The following QRSL1 variants were observed in gnomAD, a reference collection of about 807,000 sequenced individuals.
The protein encoded by QRSL1 is glutaminyl-tRNA amidotransferase subunit QRSL1.
A neutral mutation model predicts 61.6 loss-of-function variants in QRSL1; 54 were observed. The observed-to-expected ratio is 0.88, with a 90% confidence interval of 0.70 to 1.10. QRSL1 has a LOEUF of 1.10. QRSL1 is among the 50% of genes least tolerant of loss of function. QRSL1 has a pLI of 0.00. For synonymous variants in QRSL1, 228 were observed against 225.7 expected (o/e 1.01, Z -0.09); for missense variants, 505 against 622.6 (o/e 0.81, Z 2.01).
intron 1 of QRSL1, among the ~76,000 whole-genome samples, chr6:106,638,598 C>T (rs757563560): frequency 3.9e-5 from 6 of 152,234 alleles, no homozygotes; most frequent in Non-Finnish European, 7.3e-5. Context: ...ACCACTGTGC[C>T]TGGCCAAGGG....
Position 106,652,492 on chromosome 6 carries a change from G to A in QRSL1, c.759G>A (p.Arg253=), listed in dbSNP as rs764858668. The part of the protein sequence containing the change: ...VLGALAGPDP[R]DSTTVHEPIN... ...GTGCACTGGCCGGACCTGACCCCAG[G>A]GACTCTACCACAGTACATGAACCTA... The change falls in exon 7 of 11, where the codon AGG becomes AGA. Residue 253 remains arginine, a synonymous_variant. Coordinates refer to ENST00000369046, the MANE Select transcript of QRSL1 (RefSeq NM_018292.5). The A allele has an allele frequency of 6.2e-7, 1 of 1,614,118 alleles. No individual in the cohort carries two copies. The highest frequency in any genetic ancestry group is 1.7e-5 in the Admixed American group (1 of 60,014).
chr6:106,643,354 C>G (rs1228500843), intron 4 of QRSL1, among the ~76,000 whole-genome samples: 1 of 152,152 alleles, frequency 6.6e-6, no homozygotes, highest in African/African-American at 2.4e-5. Flanking sequence ...TTTTCAAATT[C>G]TGTGCCCATT....
At position 106,644,999 on chromosome 6, in the gene QRSL1, T is replaced by C. The variant is rs569610587; in HGVS notation, c.380+1909T>C. ...CCAGCACTAATAATAAAAAAGATTA[T>C]CCTTTTCTTGTTGAATGATCTTAGG... On this transcript the variant is annotated intron_variant, in intron 4 of 10. Coordinates refer to ENST00000369046, the MANE Select transcript of QRSL1 (RefSeq NM_018292.5). Among the ~76,000 whole-genome samples the C allele has an allele frequency of 3.6e-3, 541 of 152,258 alleles. 5 individuals carry two copies. The highest frequency in any genetic ancestry group is 0.013 in the African/African-American group (520 of 41,566).
chr6:106,639,119 GTTTTTT>G (rs1177849683), intron 1 of QRSL1, among the ~76,000 whole-genome samples: 5 of 122,792 alleles, frequency 4.1e-5, no homozygotes, highest in Non-Finnish European at 8.2e-5. Flanking sequence ...GTGTTTTGTT[GTTTTTT>G]TTTTTTTTTT....
chr6:106,631,535 A>C (rs1227765271), intron 1 of QRSL1, among the ~76,000 whole-genome samples: 1 of 152,206 alleles, frequency 6.6e-6, no homozygotes, highest in Non-Finnish European at 1.5e-5. Flanking sequence ...TCAGTCACAA[A>C]GGTGGCATCA....
intron 1 of QRSL1, among the ~76,000 whole-genome samples, chr6:106,632,068 C>G (rs992290776): frequency 2.0e-5 from 3 of 152,190 alleles, no homozygotes; most frequent in Non-Finnish European, 4.4e-5. Context: ...GGAAGTTTGT[C>G]TTTCTGTGCC....
intron 10 of QRSL1, 137 bp from the exon 11 acceptor site, chr6:106,665,645 G>T: frequency 1.4e-6 from 1 of 729,794 alleles, no homozygotes; most frequent in Non-Finnish European, 2.4e-6. Context: ...TAGTACAAAA[G>T]CATTATATAG....
At chr6:106,642,518 C>G (rs9400039) in intron 3 of QRSL1, 365,993 of 693,046 alleles carry the variant, frequency 0.53, 99,795 homozygotes, top group Non-Finnish European at 0.58. Context: ...AGGCCTTTTA[C>G]AAAACAGGGA....
intron 9 of QRSL1, among the ~76,000 whole-genome samples, chr6:106,657,455 C>T (rs1777289575): frequency 6.6e-6 from 1 of 152,084 alleles, no homozygotes; most frequent in African/African-American, 2.4e-5. Flanking sequence ...TTGTTTATCT[C>T]AGGGCACAAG....
intron 3 of QRSL1, chr6:106,642,597 A>C (rs955793413): frequency 1.5e-5 from 11 of 753,994 alleles, no homozygotes; most frequent in Admixed American, 3.4e-5. Flanking sequence ...GGTATTGTTC[A>C]AAAAGGAATG....
chr6:106,646,531 C>T (rs1486207087), intron 4 of QRSL1, among the ~76,000 whole-genome samples: 1 of 152,060 alleles, frequency 6.6e-6, no homozygotes, highest in South Asian at 2.1e-4. Flanking sequence ...GGCCTGGTGG[C>T]TCATGCCTGT....
At chr6:106,646,104 T>C (rs2114706790) in intron 4 of QRSL1, among the ~76,000 whole-genome samples, 1 of 152,348 alleles carries the variant, frequency 6.6e-6, no homozygotes, top group East Asian at 1.9e-4. Context: ...TGCTTGGTCA[T>C]TGTTCTCTGT....
Position 106,642,997 on chromosome 6 carries a change from A to T in QRSL1, c.287A>T (p.Tyr96Phe). Residue 96 changes from tyrosine (Y) to phenylalanine (F), a missense_variant, in exon 4 of 11, where the codon TAT becomes TTT. By Grantham distance (22) the Tyr-to-Phe change is conservative (BLOSUM62 3). Transcript: ENST00000369046. ...ATAGTAACTAAATTTTTTTCAGGTT[A>T]TATACCACCTTATAATGCTACAGTA... ...TTCASNMLKG[Y>F]IPPYNATVVQ... The T allele has an allele frequency of 6.2e-7, 1 of 1,601,422 alleles. No individual in the cohort carries two copies. Among genetic ancestry groups the T allele is most frequent in the South Asian group, 1.1e-5 (1 of 88,812 alleles).
chr6:106,656,659 A>T (rs1415894988), intron 9 of QRSL1, among the ~76,000 whole-genome samples: 3 of 152,162 alleles, frequency 2.0e-5, no homozygotes, highest in African/African-American at 7.2e-5. Flanking sequence ...GATAGTTAGA[A>T]TTACTTTTTA....
intron 1 of QRSL1, among the ~76,000 whole-genome samples, chr6:106,639,479 C>T (rs1356707561): frequency 6.6e-6 from 1 of 152,156 alleles, no homozygotes; most frequent in Non-Finnish European, 1.5e-5. Context: ...GCAACAGTGC[C>T]TGGCTCTTGG....
intron 4 of QRSL1, among the ~76,000 whole-genome samples, chr6:106,645,313 G>A (rs1012724811): frequency 3.3e-5 from 5 of 152,084 alleles, no homozygotes; most frequent in Non-Finnish European, 7.4e-5. Context: ...GGAAAGAATC[G>A]GCATCATAAT....
At chr6:106,654,972 GA>G in intron 8 of QRSL1, 50 bp downstream of exon 8, 2 of 1,468,416 alleles carry the variant, frequency 1.4e-6, no homozygotes, top group African/African-American at 2.9e-5. Flanking sequence ...GCAAACATTT[GA>G]AAAGTTCACT....
At chr6:106,662,231 T>G (rs1264437393) in intron 9 of QRSL1, among the ~76,000 whole-genome samples, 1 of 152,208 alleles carries the variant, frequency 6.6e-6, no homozygotes, top group Non-Finnish European at 1.5e-5. Context: ...GCTGTCTATC[T>G]TAGTAACCTT....
intron 10 of QRSL1, among the ~76,000 whole-genome samples, chr6:106,664,453 G>T (rs1054989833): frequency 3.9e-5 from 6 of 152,148 alleles, no homozygotes; most frequent in Non-Finnish European, 8.8e-5. Flanking sequence ...TTTTAGGGTA[G>T]GTCTGCTGAT....
Sources: allele counts gnomAD v4.1 joint callset (sites outside exome capture counted in the v4.1 genomes callset), GRCh38; gene constraint gnomAD v4.1.1; transcripts MANE v1.5; gene names NCBI Gene and HGNC (gene_info 2026-07-23, HGNC 2026-07-21).